The following NR3C2 variants were observed in gnomAD, a reference collection of about 807,000 sequenced individuals.
NR3C2 encodes the protein nuclear receptor subfamily 3 group C member 2.
Under a neutral mutation model 86.4 loss-of-function variants are expected in NR3C2, and 15 were observed. The observed-to-expected ratio is 0.17, with a 90% CI of 0.12 to 0.27. NR3C2 has a LOEUF of 0.27. Ranked by LOEUF, NR3C2 falls within the 10% of genes least tolerant of loss-of-function variation. The probability of loss-of-function intolerance (pLI) is 1.00; values close to 1 mark genes in which losing one functional copy is unlikely to be tolerated. For synonymous variants in NR3C2, 458 were observed against 450.5 expected, an observed-to-expected ratio of 1.02 and a Z score of -0.21; for missense variants, 960 against 1,195.6, an observed-to-expected ratio of 0.80 and a Z score of 2.91.
chr4:148,212,454 T>G (rs1737330001), intron 3 of NR3C2, among the ~76,000 whole-genome samples: 1 of 152,220 alleles, frequency 6.6e-6, no homozygotes, highest in African/African-American at 2.4e-5. Context: ...GGCTAGTGCC[T>G]GGGGCAGGAT....
chr4:148,326,061 G>A lies in NR3C2; in HGVS notation c.1758-65944C>T, dbSNP rs149142711. Reference sequence around the variant, plus strand: ...AATTCAACCAGCAAGATCAATGGACGCAGGTTGGGGTAAAAACTACAGATG... The same window carrying A: ...AATTCAACCAGCAAGATCAATGGACACAGGTTGGGGTAAAAACTACAGATG... On this transcript the variant is annotated intron_variant, in intron 2 of 8. Transcript: ENST00000358102. Among the ~76,000 whole-genome samples, 16 of 152,182 alleles carry A rather than the reference G, an allele frequency of 1.1e-4. 1 individual carries two copies. The highest frequency in any genetic ancestry group is 3.4e-4 in the African/African-American group (14 of 41,528).
In NR3C2 at chr4:148,368,516, G is replaced by T. The variant is rs899284877; in HGVS notation, c.1757+66588C>A. On this transcript the variant is annotated intron_variant, in intron 2 of 8. Coordinates refer to ENST00000358102, the MANE Select transcript of NR3C2 (RefSeq NM_000901.5). ...TCACTAGCAGTAACAAATGACAGTG[G>T]TATATTTTTATTAATAAAATGAACA... is the stretch of plus-strand genomic sequence containing the variant. 5 of 152,026 alleles carry T rather than the reference G, an allele frequency of 3.3e-5. 1 individual carries two copies. The highest frequency in any genetic ancestry group is 1.2e-4 in the African/African-American group (5 of 41,392). The allele number at this position is 152,026 out of a possible 1,614,324, so 9.4% of individuals were successfully genotyped here.
chr4:148,143,045 A>G (rs927553787), intron 6 of NR3C2, among the ~76,000 whole-genome samples: 2 of 152,230 alleles, frequency 1.3e-5, no homozygotes, highest in African/African-American at 4.8e-5. Context: ...CCATGAGCCA[A>G]TTAAATCTCC....
At chr4:148,323,461 G>T (rs1280561085) in intron 2 of NR3C2, among the ~76,000 whole-genome samples, 1 of 144,514 alleles carries the variant, frequency 6.9e-6, no homozygotes, top group Admixed American at 6.8e-5. Flanking sequence ...TGCAATGGCG[G>T]GCGCCCCTCC....
At chr4:148,096,015 C>G (rs924550476) in intron 8 of NR3C2, among the ~76,000 whole-genome samples, 3 of 152,162 alleles carry the variant, frequency 2.0e-5, no homozygotes, top group African/African-American at 7.2e-5. Context: ...GGATGCTGTG[C>G]TAAGCAAGAT....
intron 4 of NR3C2, among the ~76,000 whole-genome samples, chr4:148,163,710 T>C (rs1012283273): frequency 6.6e-6 from 1 of 152,092 alleles, no homozygotes; most frequent in Admixed American, 6.5e-5. Context: ...ATTATTTTAT[T>C]AGTGGAGAAA....
chr4:148,188,249 G>A (rs554976117), intron 4 of NR3C2, among the ~76,000 whole-genome samples: 16 of 152,166 alleles, frequency 1.1e-4, no homozygotes, highest in South Asian at 6.2e-4. Context: ...CTAATTCTGC[G>A]AAGAATGATG....
intron 6 of NR3C2, among the ~76,000 whole-genome samples, chr4:148,134,136 C>A (rs904961820): frequency 6.6e-6 from 1 of 152,170 alleles, no homozygotes; most frequent in Non-Finnish European, 1.5e-5. Context: ...ATGTCCAACT[C>A]AATTAATTTA....
intron 2 of NR3C2, among the ~76,000 whole-genome samples, chr4:148,335,855 G>A (rs1744460359): frequency 6.6e-6 from 1 of 152,024 alleles, no homozygotes; most frequent in Non-Finnish European, 1.5e-5. Flanking sequence ...TCACTGTAGT[G>A]TTATTTACAA....
intron 2 of NR3C2, among the ~76,000 whole-genome samples, chr4:148,401,847 A>T (rs1006462697): frequency 2.6e-5 from 4 of 152,152 alleles, no homozygotes; most frequent in Non-Finnish European, 4.4e-5. Flanking sequence ...GATAAGGCCA[A>T]AGGGATCACA....
upstream of NR3C2, chr4:148,442,515 C>T: frequency 2.7e-6 from 1 of 371,070 alleles, no homozygotes; most frequent in Non-Finnish European, 3.7e-6. Flanking sequence ...GAGGGCTGGC[C>T]CTTTTAAAAG....
intron 2 of NR3C2, among the ~76,000 whole-genome samples, chr4:148,323,967 G>A (rs1012691488): frequency 5.9e-5 from 9 of 152,094 alleles, no homozygotes; most frequent in African/African-American, 2.2e-4. Flanking sequence ...AATCTAAAAT[G>A]TTTGTATCTG....
chr4:148,313,269 T>A (rs1041588589), intron 2 of NR3C2, among the ~76,000 whole-genome samples: 1 of 152,172 alleles, frequency 6.6e-6, no homozygotes, highest in Non-Finnish European at 1.5e-5. Flanking sequence ...TTAAACATAC[T>A]GAGTCCCGAA....
intron 2 of NR3C2, among the ~76,000 whole-genome samples, chr4:148,357,355 A>C (rs1034694869): frequency 6.6e-6 from 1 of 152,110 alleles, no homozygotes; most frequent in African/African-American, 2.4e-5. Context: ...AAGAGTACCT[A>C]TGCTTTTTAA....
intron 2 of NR3C2, among the ~76,000 whole-genome samples, chr4:148,370,738 G>T (rs1454433061): frequency 6.6e-6 from 1 of 151,894 alleles, no homozygotes; most frequent in Non-Finnish European, 1.5e-5. Flanking sequence ...AAATAAAGAG[G>T]GATCCATTTT....
At chr4:148,349,376 C>G (rs1228954068) in intron 2 of NR3C2, among the ~76,000 whole-genome samples, 1 of 151,610 alleles carries the variant, frequency 6.6e-6, no homozygotes, top group Non-Finnish European at 1.5e-5. Flanking sequence ...TGTACTATAA[C>G]CTGGGTCTGA....
chr4:148,411,991 G>A (rs940298232), intron 2 of NR3C2, among the ~76,000 whole-genome samples: 1 of 152,118 alleles, frequency 6.6e-6, no homozygotes, highest in Non-Finnish European at 1.5e-5. Context: ...TTTCCGGGTT[G>A]GTCAGAGCTG....
intron 2 of NR3C2, among the ~76,000 whole-genome samples, chr4:148,415,708 T>C (rs551906044): frequency 6.6e-6 from 1 of 152,334 alleles, no homozygotes; most frequent in African/African-American, 2.4e-5. Context: ...AACTCTCTAC[T>C]TCTCTGTGAA....
intron 6 of NR3C2, among the ~76,000 whole-genome samples, chr4:148,132,207 C>G (rs1216657460): frequency 6.6e-6 from 1 of 152,158 alleles, no homozygotes; most frequent in Non-Finnish European, 1.5e-5. Context: ...TGATAAATCA[C>G]ATTACAAAAA....
Sources: gnomAD v4.1 joint callset for allele counts (sites outside exome capture counted in the v4.1 genomes callset) on GRCh38, gnomAD v4.1.1 for gene constraint, MANE v1.5 for transcripts, NCBI Gene and HGNC (gene_info 2026-07-23, HGNC 2026-07-21) for gene names.